GABRB3: variants seen among roughly 807,000 people sequenced by gnomAD.
GABRB3 encodes the protein gamma-aminobutyric acid receptor subunit beta-3.
A neutral mutation model predicts 52.1 loss-of-function variants in GABRB3; 14 were observed. The ratio of observed to expected loss-of-function variants is 0.27; its 90% CI spans 0.18 to 0.42. GABRB3 has a LOEUF of 0.42. Among genes scored for constraint, GABRB3 ranks in the 10% least tolerant of loss-of-function variants. The probability of loss-of-function intolerance (pLI) is 1.00; values close to 1 mark genes in which losing one functional copy is unlikely to be tolerated. For synonymous variants in GABRB3, 260 were observed against 232.3 expected (o/e 1.12, Z -1.08); for missense variants, 307 against 609.1 (o/e 0.50, Z 5.22).
chr15:26,625,202 G>A (rs1035738273), intron 3 of GABRB3, among the ~76,000 whole-genome samples: 3 of 152,094 alleles, frequency 2.0e-5, no homozygotes, highest in Admixed American at 6.5e-5. Flanking sequence ...CAATAAAGTG[G>A]AGTGAGCTTG....
chr15:26,685,952 T>G (rs570843802), intron 3 of GABRB3, among the ~76,000 whole-genome samples: 1 of 152,202 alleles, frequency 6.6e-6, no homozygotes, highest in African/African-American at 2.4e-5. Flanking sequence ...TAAAAGGTGT[T>G]CACCACCATG....
intron 3 of GABRB3, among the ~76,000 whole-genome samples, chr15:26,697,944 C>T (rs1888796693): frequency 1.3e-5 from 2 of 152,198 alleles, no homozygotes; most frequent in African/African-American, 4.8e-5. Context: ...AATTACAGAT[C>T]TATGAAATAA....
At chr15:26,588,263 T>C (rs1484193647) in intron 4 of GABRB3, among the ~76,000 whole-genome samples, 1 of 152,220 alleles carries the variant, frequency 6.6e-6, no homozygotes, top group Non-Finnish European at 1.5e-5. Flanking sequence ...ATGGTGCTAA[T>C]TCATCATCTC....
intron 3 of GABRB3, among the ~76,000 whole-genome samples, chr15:26,698,182 C>A: frequency 6.6e-6 from 1 of 152,142 alleles, no homozygotes. Flanking sequence ...AGGAGGAAAG[C>A]GGACAGATGG....
At chr15:26,718,773 A>C (rs930480050) in intron 3 of GABRB3, among the ~76,000 whole-genome samples, 9 of 152,304 alleles carry the variant, frequency 5.9e-5, no homozygotes, top group South Asian at 2.1e-4. Flanking sequence ...TTTTTCAAAA[A>C]TGCCAACTTA....
intron 4 of GABRB3, among the ~76,000 whole-genome samples, chr15:26,604,943 T>C (rs1404696947): frequency 1.3e-5 from 2 of 152,122 alleles, no homozygotes; most frequent in Non-Finnish European, 2.9e-5. Flanking sequence ...AAAAAGCTTC[T>C]GCACAGCAAA....
intron 3 of GABRB3, among the ~76,000 whole-genome samples, chr15:26,765,605 T>C (rs1890975613): frequency 6.6e-6 from 1 of 152,196 alleles, no homozygotes; most frequent in Admixed American, 6.5e-5. Context: ...CATATATTCC[T>C]TTCCACAAAT....
intron 3 of GABRB3, among the ~76,000 whole-genome samples, chr15:26,736,870 G>A (rs923828773): frequency 6.6e-6 from 1 of 152,242 alleles, no homozygotes; most frequent in Admixed American, 6.5e-5. Flanking sequence ...GCTGCTGGGT[G>A]AATGAGAACA....
chr15:26,611,310 T>C (rs1892062624), intron 4 of GABRB3, among the ~76,000 whole-genome samples: 1 of 152,206 alleles, frequency 6.6e-6, no homozygotes, highest in African/African-American at 2.4e-5. Context: ...GGGTCATTTC[T>C]AGTCAAATAA....
At chr15:26,650,621 T>A (rs774215083) in intron 3 of GABRB3, among the ~76,000 whole-genome samples, 4 of 152,066 alleles carry the variant, frequency 2.6e-5, no homozygotes, top group Non-Finnish European at 2.9e-5. Flanking sequence ...ATCCTCAGAC[T>A]GGATTGAGAA....
chr15:26,749,453 T>C (rs1242923051), intron 3 of GABRB3, among the ~76,000 whole-genome samples: 3 of 152,228 alleles, frequency 2.0e-5, no homozygotes, highest in African/African-American at 7.2e-5. Flanking sequence ...GTTTATCTTC[T>C]GAAATGCTCT....
Position 26,605,375 on chromosome 15 carries a change from T to C in GABRB3, c.461+15939A>G, listed in dbSNP as rs141659674. On this transcript the variant is annotated intron_variant, in intron 4 of 8. Transcript: ENST00000311550. ...TGGAGGTGCCTCAAAAAACTAAAAA[T>C]AGATCTACTATATGATCCAGGAATC... Among the ~76,000 whole-genome samples, 300 of 152,242 alleles carry C rather than the reference T, an allele frequency of 2.0e-3. 6 individuals are homozygous for C. The East Asian group carries it at 0.037, about 19-fold the overall frequency.
intron 8 of GABRB3, among the ~76,000 whole-genome samples, chr15:26,555,973 T>A (rs897231755): frequency 4.6e-5 from 7 of 152,200 alleles, no homozygotes; most frequent in Admixed American, 4.6e-4. Context: ...GCCAAATAAC[T>A]TAAACAGATA....
chr15:26,640,690 G>A (rs891360004), intron 3 of GABRB3, among the ~76,000 whole-genome samples: 2 of 152,320 alleles, frequency 1.3e-5, no homozygotes, highest in East Asian at 3.9e-4. Context: ...TTTTTACTGT[G>A]AGAACAATAA....
chr15:26,558,394 A>C (rs1889835507), intron 8 of GABRB3, among the ~76,000 whole-genome samples: 1 of 152,180 alleles, frequency 6.6e-6, no homozygotes, highest in Non-Finnish European at 1.5e-5. Context: ...GCAGTCCTCC[A>C]AGGAGCTACT....
At chr15:26,689,619 C>T (rs1225521423) in intron 3 of GABRB3, among the ~76,000 whole-genome samples, 1 of 152,050 alleles carries the variant, frequency 6.6e-6, no homozygotes, top group African/African-American at 2.4e-5. Flanking sequence ...GTTTTCAGCC[C>T]TCTGACATCA....
chr15:26,551,889 A>C (rs114931971), intron 8 of GABRB3, among the ~76,000 whole-genome samples: 226 of 152,272 alleles, frequency 1.5e-3, no homozygotes, highest in African/African-American at 4.7e-3. Flanking sequence ...TCATGGAGAC[A>C]CGTGATGTGG....
At chr15:26,688,486 T>G (rs934602437) in intron 3 of GABRB3, among the ~76,000 whole-genome samples, 3 of 152,198 alleles carry the variant, frequency 2.0e-5, no homozygotes, top group Non-Finnish European at 4.4e-5. Context: ...TTGTTTTGTT[T>G]CTTTGGGGGT....
chr15:26,721,227 TGATTTTAA>T (rs1434965550), intron 3 of GABRB3, among the ~76,000 whole-genome samples: 1 of 152,134 alleles, frequency 6.6e-6, no homozygotes, highest in African/African-American at 2.4e-5. Context: ...GGCATAATGA[TGATTTTAA>T]GCTGGTAATT....
Sources: gnomAD v4.1 joint callset for allele counts (sites outside exome capture counted in the v4.1 genomes callset) on GRCh38, gnomAD v4.1.1 for gene constraint, MANE v1.5 for transcripts, NCBI Gene and HGNC (gene_info 2026-07-23, HGNC 2026-07-21) for gene names.